The following GGNBP2 variants were observed in gnomAD, a reference collection of about 807,000 sequenced individuals.
GGNBP2 encodes the protein gametogenetin-binding protein 2.
A neutral mutation model predicts 85.9 loss-of-function variants in GGNBP2; 10 were observed. That is an observed-to-expected ratio of 0.12 (90% CI 0.07 to 0.20). The LOEUF is 0.20. Ranked by LOEUF, GGNBP2 falls within the 10% of genes least tolerant of loss-of-function variation. The pLI, the probability that GGNBP2 is intolerant of heterozygous loss-of-function variation, is 1.00. For missense variants in GGNBP2, 595 were observed against 857.8 expected, an observed-to-expected ratio of 0.69 and a Z score of 3.83; for synonymous variants, 287 against 285.7, an observed-to-expected ratio of 1.00 and a Z score of -0.05.
At chr17:36,575,636 ATATATATATATATT>A (rs1203005054) in intron 6 of GGNBP2, among the ~76,000 whole-genome samples, 18 of 49,830 alleles carry the variant, frequency 3.6e-4, no homozygotes, top group African/African-American at 1.5e-3. Context: ...ATATATATAT[ATATATATATATATT>A]TTTTTTTTTT....
At chr17:36,563,091 C>A (rs939811357) in intron 5 of GGNBP2, among the ~76,000 whole-genome samples, 44 of 149,828 alleles carry the variant, frequency 2.9e-4, no homozygotes, top group African/African-American at 1.0e-3. Flanking sequence ...CATGGTGAAA[C>A]CCTGTCTCTA....
intron 2 of GGNBP2, chr17:36,546,963 T>C (rs547624039): frequency 2.0e-5 from 3 of 152,338 alleles, no homozygotes; most frequent in African/African-American, 7.2e-5. Context: ...GCTGCAGTAC[T>C]TTAAAAAGGA....
Position 36,567,704 on chromosome 17 carries a change from G to T in GGNBP2, c.569G>T (p.Cys190Phe). The T allele has an allele frequency of 6.2e-7, 1 of 1,609,008 alleles. No individual in the cohort carries two copies. The highest frequency in any genetic ancestry group is 8.5e-7 in the Non-Finnish European group (1 of 1,175,796). The change falls in exon 6 of 14, where the codon TGC becomes TTC. Residue 190 changes from cysteine to phenylalanine, a missense_variant. Cys to Phe is a radical substitution (Grantham distance 205, BLOSUM62 -2). Transcript: ENST00000613102. Reference sequence around the variant, plus strand: ...GTATGGGAACTAATGTCGCAGGAATGCAGGGATGAAGTAGTTTTAATTGAC... The same window carrying T: ...GTATGGGAACTAATGTCGCAGGAATTCAGGGATGAAGTAGTTTTAATTGAC... ...MDVWELMSQE[C>F]RDEVVLIDSS...
Position 36,589,302 on chromosome 17 carries a change from G to A in GGNBP2, c.1985G>A (p.Arg662Lys), listed in dbSNP as rs1166826895. The stretch of plus-strand genomic sequence containing the variant: ...AATAACCAGTCTTTCTACAGCAATA[G>A]AGAACAATACCGACAGCATCTGAAG... ...MANNQSFYSN[R>K]EQYRQHLKEK... is the part of the protein sequence containing the mutation. Residue 662 changes from arginine (R) to lysine (K), a missense_variant, in exon 14 of 14, where the codon AGA becomes AAA. Physicochemically the swap from Arg to Lys is conservative, Grantham distance 26. Coordinates refer to ENST00000613102, the MANE Select transcript of GGNBP2 (RefSeq NM_024835.5). 5.0e-6 allele frequency: 8 copies of A among 1,613,040 alleles called. No individual in the cohort carries two copies. The highest frequency in any genetic ancestry group is 2.7e-5 in the African/African-American group (2 of 74,912).
Position 36,587,213 on chromosome 17 carries a change from G to A in GGNBP2, c.1858G>A (p.Gly620Arg), listed in dbSNP as rs1362485183. 1.2e-6 allele frequency: 2 copies of A among 1,614,004 alleles called. No individual in the cohort carries two copies. Among genetic ancestry groups the A allele is most frequent in the African/African-American group, 1.3e-5 (1 of 74,906 alleles). ...AGAAACGTTGTTTGGTCCCGATTCCGGAAAAGGTGCCAAGAGCTTAGTTGA... is the reference window on the plus strand; with the variant it reads ...AGAAACGTTGTTTGGTCCCGATTCCAGAAAAGGTGCCAAGAGCTTAGTTGA... ...PTETLFGPDS[G>R]KGAKSLVELL... Residue 620 changes from glycine to arginine, a missense_variant, in exon 13 of 14, where the codon GGA becomes AGA. Transcript: ENST00000613102.
At chr17:36,550,909 T>C (rs1383007434) in intron 2 of GGNBP2, among the ~76,000 whole-genome samples, 1 of 152,176 alleles carries the variant, frequency 6.6e-6, no homozygotes, top group Non-Finnish European at 1.5e-5. Flanking sequence ...CTCTTTGCCT[T>C]CCCCTTTTTA....
chr17:36,575,766 C>G (rs2074575107), intron 6 of GGNBP2, among the ~76,000 whole-genome samples: 1 of 149,670 alleles, frequency 6.7e-6, no homozygotes, highest in African/African-American at 2.5e-5. Context: ...CCTGCCTCAG[C>G]CTCCTGAGTA....
chr17:36,553,021 C>CAAAAA (rs56946600), intron 2 of GGNBP2, among the ~76,000 whole-genome samples: 13 of 76,174 alleles, frequency 1.7e-4, no homozygotes, highest in Non-Finnish European at 2.4e-4. Context: ...GACTCTGTCT[C>CAAAAA]AAAAAAAAAA....
chr17:36,565,810 C>T (rs1259187009), intron 5 of GGNBP2, among the ~76,000 whole-genome samples: 2 of 152,024 alleles, frequency 1.3e-5, no homozygotes, highest in Admixed American at 6.6e-5. Flanking sequence ...GCAGGAGAAT[C>T]GCTTGAACCT....
chr17:36,562,131 T>A (rs547737460), intron 5 of GGNBP2, among the ~76,000 whole-genome samples: 17 of 152,262 alleles, frequency 1.1e-4, no homozygotes, highest in African/African-American at 3.8e-4. Flanking sequence ...TTGGAGAGAA[T>A]GGGATATTAA....
chr17:36,586,782 C>A, intron 12 of GGNBP2: 1 of 468,846 alleles, frequency 2.1e-6, no homozygotes, highest in South Asian at 2.6e-5. Flanking sequence ...CCATGGCTGG[C>A]TAATTTTTGC....
chr17:36,577,448 C>T (rs942076320), intron 6 of GGNBP2: 1 of 153,206 alleles, frequency 6.5e-6, no homozygotes, highest in African/African-American at 2.4e-5. Context: ...ATGCACACAC[C>T]ACTTTCCCAT....
chr17:36,577,226 A>C (rs967563000), intron 6 of GGNBP2: 1 of 152,102 alleles, frequency 6.6e-6, no homozygotes, highest in Admixed American at 6.5e-5. Context: ...AGGCTCTATT[A>C]TTTCTTTCTG....
At chr17:36,565,897 A>G (rs2074463339) in intron 5 of GGNBP2, among the ~76,000 whole-genome samples, 1 of 152,192 alleles carries the variant, frequency 6.6e-6, no homozygotes, top group Non-Finnish European at 1.5e-5. Context: ...CTCTGTCTCA[A>G]AAAGGAAATA....
chr17:36,571,364 A>G (rs2074522381), intron 6 of GGNBP2, among the ~76,000 whole-genome samples: 1 of 152,076 alleles, frequency 6.6e-6, no homozygotes, highest in Admixed American at 6.5e-5. Flanking sequence ...AGCCTGGCCA[A>G]CATGGTGATA....
chr17:36,569,537 AT>A (rs1289552849), intron 6 of GGNBP2, among the ~76,000 whole-genome samples: 1 of 152,228 alleles, frequency 6.6e-6, no homozygotes, highest in Non-Finnish European at 1.5e-5. Context: ...ATACACAATT[AT>A]TTTGGGAGTG....
intron 6 of GGNBP2, among the ~76,000 whole-genome samples, chr17:36,575,751 A>G (rs1456103575): frequency 6.7e-6 from 1 of 148,250 alleles, no homozygotes; most frequent in African/African-American, 2.5e-5. Context: ...GGTTCAAGCA[A>G]TTCTCCTGCC....
chr17:36,545,324 C>T (rs1267045310), intron 1 of GGNBP2, among the ~76,000 whole-genome samples: 1 of 139,932 alleles, frequency 7.1e-6, no homozygotes, highest in Non-Finnish European at 1.5e-5. Flanking sequence ...GTCCTGGGGC[C>T]GGGACTCCTG....
chr17:36,559,685 C>T (rs2074398588), intron 4 of GGNBP2, among the ~76,000 whole-genome samples: 1 of 152,014 alleles, frequency 6.6e-6, no homozygotes, highest in South Asian at 2.1e-4. Context: ...ATGTAAAGGG[C>T]AGAAGGTGCA....
Sources: gnomAD v4.1 joint callset for allele counts (sites outside exome capture counted in the v4.1 genomes callset) on GRCh38, gnomAD v4.1.1 for gene constraint, MANE v1.5 for transcripts, NCBI Gene and HGNC (gene_info 2026-07-23, HGNC 2026-07-21) for gene names.